ACACB: variants seen among roughly 807,000 people sequenced by gnomAD.
ACACB encodes the protein acetyl-CoA carboxylase 2.
ACACB carries 209 observed loss-of-function variants against 278.8 expected under a neutral mutation model. That is an observed-to-expected ratio of 0.75 (90% CI 0.67 to 0.84). ACACB has a LOEUF of 0.84. ACACB is among the 40% of genes least tolerant of loss of function. The pLI is 0.00. For synonymous variants in ACACB, 1,174 were observed against 1,285.6 expected, an observed-to-expected ratio of 0.91 and a Z score of 1.86; for missense variants, 2,850 against 3,269.0, an observed-to-expected ratio of 0.87 and a Z score of 3.13.
chr12:109,225,492 C>T (rs1405946590), intron 27 of ACACB, among the ~76,000 whole-genome samples: 1 of 152,242 alleles, frequency 6.6e-6, no homozygotes, highest in Non-Finnish European at 1.5e-5. Flanking sequence ...CTTGGCTCCC[C>T]AGAGTGCTGG....
chr12:109,232,315 G>T (rs2046495990), intron 28 of ACACB, among the ~76,000 whole-genome samples: 1 of 152,196 alleles, frequency 6.6e-6, no homozygotes, highest in Non-Finnish European at 1.5e-5. Flanking sequence ...CTCACCAGCT[G>T]CCTGGGGCTG....
intron 1 of ACACB, among the ~76,000 whole-genome samples, chr12:109,119,329 G>A (rs1349636668): frequency 3.3e-5 from 5 of 152,102 alleles, no homozygotes; most frequent in African/African-American, 7.3e-5. Flanking sequence ...AGTGGCTCAC[G>A]CCTGTAATCC....
chr12:109,210,270 C>CACACCTGTGTGTATATGTAT lies in ACACB; in HGVS notation c.3249+918_3249+919insCACCTGTGTGTATATGTATA, dbSNP rs1565927678. Among the ~76,000 whole-genome samples the CACACCTGTGTGTATATGTAT allele has an allele frequency of 1.0e-4, 2 of 19,940 alleles. 1 individual carries two copies. The highest frequency in any genetic ancestry group is 1.8e-4 in the Non-Finnish European group (2 of 10,882). 13.1% of individuals were successfully genotyped at this position (19,940 alleles called of 152,430 possible). On this transcript the variant is annotated intron_variant, in intron 21 of 52. Transcript: ENST00000338432. ...ATATACACACATGTGTGTATATGTA[C>CACACCTGTGTGTATATGTAT]ATATACACACACATATCTGTGTGTA...
intron 18 of ACACB, among the ~76,000 whole-genome samples, chr12:109,200,503 C>T (rs1172916895): frequency 6.6e-6 from 1 of 152,112 alleles, no homozygotes; most frequent in Non-Finnish European, 1.5e-5. Context: ...TTGATAATAA[C>T]AATTATTGTC....
chr12:109,205,005 G>A (rs561359465), intron 19 of ACACB, among the ~76,000 whole-genome samples: 6 of 151,978 alleles, frequency 3.9e-5, no homozygotes, highest in Admixed American at 6.6e-5. Context: ...AGGTTTGTGC[G>A]ACCATGCCTG....
chr12:109,265,465 C>T lies in ACACB; in HGVS notation c.7190C>T (p.Ser2397Phe), dbSNP rs368703551. ...QHWQAGDGPRSTIRENITYLK... is the reference protein window; with the variant it reads ...QHWQAGDGPRFTIRENITYLK... ...TGGCAGGCAGGGGATGGCCCGCGCT[C>T]CACCATCCGTGAGAACATCACGTAC... The change falls in exon 52 of 53, where the codon TCC becomes TTC. Residue 2397 changes from serine (S) to phenylalanine (F), a missense_variant. Around this residue, in one of 3 missense-constraint regions of ACACB, gnomAD observed 579 missense variants for 684.6 expected, o/e 0.85. Coordinates refer to ENST00000338432, the MANE Select transcript of ACACB (RefSeq NM_001093.4). The T allele has an allele frequency of 3.7e-6, 6 of 1,613,336 alleles. No individual in the cohort carries two copies. The Admixed American group carries it at 5.0e-5, about 13-fold the overall frequency.
At chr12:109,234,079 T>C (rs757517800) in intron 31 of ACACB, 34 bp downstream of exon 31, 39 of 1,537,596 alleles carry the variant, frequency 2.5e-5, no homozygotes, top group Non-Finnish European at 3.5e-5. Context: ...TTGGTGGGGG[T>C]TCTTGGAGAA....
chr12:109,122,016 C>A (rs897791052), intron 1 of ACACB, among the ~76,000 whole-genome samples: 1 of 152,098 alleles, frequency 6.6e-6, no homozygotes, highest in African/African-American at 2.4e-5. Context: ...CAAGAGATAA[C>A]CATGCAAAGG....
At chr12:109,262,104 A>G (rs567590076) in intron 48 of ACACB, among the ~76,000 whole-genome samples, 24 of 152,206 alleles carry the variant, frequency 1.6e-4, no homozygotes, top group East Asian at 9.7e-4. Context: ...TAGACCTGAA[A>G]GGGGCCCTCC....
rs1035595868 is a variant in ACACB, at chr12:109,121,256, A to C, written c.-10+4552A>C. ...CACCTGCCAGCTTTCATTCTTATTCAACATGCTTTTATGGGTTCCTTGAGG... is the reference window on the plus strand; with the variant it reads ...CACCTGCCAGCTTTCATTCTTATTCCACATGCTTTTATGGGTTCCTTGAGG... On this transcript the variant is annotated intron_variant, in intron 1 of 52. Transcript: ENST00000338432. Among the ~76,000 whole-genome samples the C allele has an allele frequency of 4.6e-5, 7 of 152,220 alleles. No individual in the cohort carries two copies. In the South Asian group the frequency reaches 8.3e-4, roughly 18 times the overall value.
intron 4 of ACACB, among the ~76,000 whole-genome samples, chr12:109,168,447 C>T (rs2043994615): frequency 6.6e-6 from 1 of 152,154 alleles, no homozygotes; most frequent in South Asian, 2.1e-4. Context: ...CTTTTATAGG[C>T]CCTACTCCCC....
chr12:109,112,631 G>A (rs1035635363), upstream of ACACB, among the ~76,000 whole-genome samples: 1 of 146,076 alleles, frequency 6.8e-6, no homozygotes, highest in Non-Finnish European at 1.5e-5. Context: ...GAACCCGGGC[G>A]ATCGCACCAT....
At chr12:109,204,690 A>C (rs1369664033) in intron 19 of ACACB, among the ~76,000 whole-genome samples, 1 of 151,794 alleles carries the variant, frequency 6.6e-6, no homozygotes, top group Admixed American at 6.6e-5. Flanking sequence ...TCTACATTCT[A>C]TTTCCATGAG....
intron 48 of ACACB, among the ~76,000 whole-genome samples, chr12:109,260,930 A>G (rs945256427): frequency 9.2e-5 from 14 of 152,244 alleles, no homozygotes; most frequent in African/African-American, 3.4e-4. Context: ...ACTCTGAGCT[A>G]TGAGTTCCTA....
chr12:109,265,840 C>T (rs1442055848), intron 52 of ACACB, among the ~76,000 whole-genome samples: 1 of 152,272 alleles, frequency 6.6e-6, no homozygotes, highest in Non-Finnish European at 1.5e-5. Flanking sequence ...ACAGAACCCA[C>T]ATTTGGAACC....
At position 109,128,326 on chromosome 12, in the gene ACACB, CT is replaced by C. The variant is rs200779225; in HGVS notation, c.-9-11064del. 7.3e-5 allele frequency among the ~76,000 whole-genome samples: 11 copies of C among 151,380 alleles called. No homozygotes were observed. The East Asian group carries it at 1.7e-3, about 24-fold the overall frequency. ...ACCACACCTGGCTAATTTTTTTGGA[CT>C]TTTTTTATTTTATTTTATTTTATTT... On this transcript the variant is annotated intron_variant, in intron 1 of 52. Coordinates refer to ENST00000338432, the MANE Select transcript of ACACB (RefSeq NM_001093.4).
intron 49 of ACACB, chr12:109,263,201 G>T (rs2047429470): frequency 6.6e-6 from 1 of 151,626 alleles, no homozygotes; most frequent in Non-Finnish European, 1.5e-5. Flanking sequence ...TTTTGAGACA[G>T]AGTCTTGCTC....
At chr12:109,200,244 C>A (rs2045290982) in intron 18 of ACACB, among the ~76,000 whole-genome samples, 1 of 151,612 alleles carries the variant, frequency 6.6e-6, no homozygotes, top group South Asian at 2.1e-4. Flanking sequence ...AGTGTAGTGG[C>A]GTGATCTTGT....
At chr12:109,151,218 C>T (rs528545312) in intron 2 of ACACB, among the ~76,000 whole-genome samples, 112 of 152,170 alleles carry the variant, frequency 7.4e-4, no homozygotes, top group Middle Eastern at 3.4e-3. Context: ...CTCCTGACCT[C>T]ATGATCTGCC....
Sources: allele counts gnomAD v4.1 joint callset (sites outside exome capture counted in the v4.1 genomes callset), GRCh38; gene constraint gnomAD v4.1.1; regional missense constraint gnomAD v4.1.1; transcripts MANE v1.5; gene names NCBI Gene and HGNC (gene_info 2026-07-23, HGNC 2026-07-21).